Variants in TDRP observed in about 807,000 individuals in gnomAD.
TDRP encodes testis development related protein.
TDRP carries 12 observed loss-of-function variants against 10.5 expected under a neutral mutation model. The observed-to-expected ratio is 1.15, with a 90% CI of 0.73 to 1.86. The LOEUF (loss-of-function observed/expected upper bound fraction) is 1.86. TDRP is among the 40% of genes most tolerant of loss of function. The pLI is 0.00. For synonymous variants in TDRP, 139 were observed against 95.4 expected (o/e 1.46, Z -2.67); for missense variants, 353 against 229.2 (o/e 1.54, Z -3.49).
At chr8:499,104 A>T (rs1046637918) in intron 1 of TDRP, among the ~76,000 whole-genome samples, 11 of 152,352 alleles carry the variant, frequency 7.2e-5, no homozygotes, top group African/African-American at 2.6e-4. Context: ...CTGGTATCAT[A>T]AGGAAAATCA....
At position 544,640 on chromosome 8, in the gene TDRP, A is replaced by G; in HGVS notation, c.108+10T>C. On this transcript the variant is annotated intron_variant, in intron 1 of 2. Coordinates refer to ENST00000324079, the MANE Select transcript of TDRP (RefSeq NM_001384899.1). ...GCCTACTAGCACTCCCCACCTGCGC[A>G]CCCCCTCACCTGCGCCTGGGCGGCG... is the stretch of plus-strand genomic sequence containing the variant. 4 of 1,229,624 alleles carry G rather than the reference A, an allele frequency of 3.3e-6. No individual in the cohort carries two copies. Among genetic ancestry groups the G allele is most frequent in the Non-Finnish European group, 4.1e-6 (4 of 986,586 alleles). 76.2% of individuals were successfully genotyped at this position (1,229,624 alleles called of 1,614,324 possible).
At chr8:498,510 T>A (rs1801196143) in intron 1 of TDRP, among the ~76,000 whole-genome samples, 2 of 152,238 alleles carry the variant, frequency 1.3e-5, no homozygotes, top group South Asian at 4.1e-4. Flanking sequence ...AACTTGTTTT[T>A]GATTTTACAG....
At chr8:515,233 T>C (rs1328498278) in intron 1 of TDRP, among the ~76,000 whole-genome samples, 1 of 152,196 alleles carries the variant, frequency 6.6e-6, no homozygotes, top group South Asian at 2.1e-4. Context: ...TTTTCTGCTC[T>C]ATCTTTTCTA....
At position 508,840 on chromosome 8, in the gene TDRP, C is replaced by A. The variant is rs914804398; in HGVS notation, c.109-14243G>T. Reference sequence around the variant, plus strand: ...AAGTCTAATCTGAGACAAGGCAAGTCCCTTTTGCCTATAAGCCTGTAAAAT... The same window carrying A: ...AAGTCTAATCTGAGACAAGGCAAGTACCTTTTGCCTATAAGCCTGTAAAAT... On this transcript the variant is annotated intron_variant, in intron 1 of 2. Transcript: ENST00000324079. 3.3e-5 allele frequency among the ~76,000 whole-genome samples: 5 copies of A among 152,304 alleles called. No individual in the cohort carries two copies. In the East Asian group the frequency reaches 9.6e-4, roughly 29 times the overall value.
At chr8:540,965 A>C (rs1802475548) in intron 1 of TDRP, among the ~76,000 whole-genome samples, 1 of 152,224 alleles carries the variant, frequency 6.6e-6, no homozygotes. Context: ...AGGGTAGGAC[A>C]AAAGACCAAG....
intron 1 of TDRP, among the ~76,000 whole-genome samples, chr8:501,672 A>G (rs981398060): frequency 3.3e-5 from 5 of 152,182 alleles, no homozygotes; most frequent in African/African-American, 1.2e-4. Flanking sequence ...TTTTAAAGGT[A>G]TTTAAAGTCA....
intron 1 of TDRP, among the ~76,000 whole-genome samples, chr8:523,268 T>A (rs1563127522): frequency 6.6e-6 from 1 of 152,220 alleles, no homozygotes; most frequent in Non-Finnish European, 1.5e-5. Flanking sequence ...ACCCCGCATA[T>A]AAATGTATTA....
intron 1 of TDRP, among the ~76,000 whole-genome samples, chr8:544,276 CCACGACGCCCGCGCCGCGGGGTGCGCG>C (rs970312047): frequency 6.6e-6 from 1 of 152,000 alleles, no homozygotes; most frequent in African/African-American, 2.4e-5. Context: ...CGTCCCGGGC[CCACGACGCCCGCGCCGCGGGGTGCGCG>C]CACTGCGTCC....
chr8:517,204 C>G (rs570640857), intron 1 of TDRP, among the ~76,000 whole-genome samples: 20 of 152,160 alleles, frequency 1.3e-4, no homozygotes, highest in Admixed American at 2.0e-4. Context: ...AAATTCCAAC[C>G]TAACTCTGGT....
intron 1 of TDRP, among the ~76,000 whole-genome samples, chr8:540,527 C>G (rs1703955): frequency 5.9e-5 from 9 of 152,130 alleles, no homozygotes; most frequent in African/African-American, 2.2e-4. Context: ...AGCAGTTTTT[C>G]TTCAAGTAAC....
chr8:519,030 G>A (rs1416966278), intron 1 of TDRP, among the ~76,000 whole-genome samples: 5 of 151,394 alleles, frequency 3.3e-5, no homozygotes, highest in African/African-American at 1.2e-4. Context: ...TTCAGGACTA[G>A]AACTTTCAGC....
chr8:506,299 C>G (rs552220588), intron 1 of TDRP, among the ~76,000 whole-genome samples: 3 of 152,292 alleles, frequency 2.0e-5, no homozygotes, highest in African/African-American at 7.2e-5. Context: ...AGACCATTTA[C>G]CCTCCCAGCT....
At chr8:523,207 T>A (rs1051223123) in intron 1 of TDRP, among the ~76,000 whole-genome samples, 54 of 152,346 alleles carry the variant, frequency 3.5e-4, no homozygotes, top group African/African-American at 1.2e-3. Flanking sequence ...AGGGATTACA[T>A]AAAACATCTT....
Position 504,427 on chromosome 8 carries a change from G to C in TDRP, c.109-9830C>G, listed in dbSNP as rs555749576. Among the ~76,000 whole-genome samples the C allele has an allele frequency of 2.6e-5, 4 of 152,286 alleles. No homozygotes were observed. In the East Asian group the frequency reaches 5.8e-4, roughly 22 times the overall value. On this transcript the variant is annotated intron_variant, in intron 1 of 2. Transcript: ENST00000324079. Reference sequence around the variant, plus strand: ...GTCCTGAAGTCAGTGGGGGGAGGCAGGGGAAGGGCCTAGAGCAGTCCAGGA... The same window carrying C: ...GTCCTGAAGTCAGTGGGGGGAGGCACGGGAAGGGCCTAGAGCAGTCCAGGA...
chr8:501,233 G>C (rs748056260), intron 1 of TDRP, among the ~76,000 whole-genome samples: 12 of 151,972 alleles, frequency 7.9e-5, no homozygotes, highest in Non-Finnish European at 1.3e-4. Context: ...AAAAAAACAT[G>C]AGCGTAATGC....
intron 1 of TDRP, among the ~76,000 whole-genome samples, chr8:525,666 C>T (rs966590895): frequency 9.2e-5 from 14 of 151,696 alleles, no homozygotes; most frequent in African/African-American, 3.4e-4. Flanking sequence ...CTCATGGTAA[C>T]CTCAAATCAA....
Position 492,101 on chromosome 8 carries a change from A to G in TDRP, c.*298T>C. On this transcript the variant is annotated 3_prime_UTR_variant, in exon 3 of 3. Coordinates refer to ENST00000324079, the MANE Select transcript of TDRP (RefSeq NM_001384899.1). ...AAAATCATTTTGTGAGAAACTGCAA[A>G]TCATTACTGCTGTATTATGGGAGAG... The G allele has an allele frequency of 8.4e-7, 1 of 1,197,256 alleles. No homozygotes were observed. The highest frequency in any genetic ancestry group is 4.2e-5 in the Admixed American group (1 of 23,990). 74.2% of individuals were successfully genotyped at this position (1,197,256 alleles called of 1,614,324 possible). A position where few individuals can be genotyped will look rare whatever the true frequency, so the allele number is the denominator to read the frequency against.
intron 1 of TDRP, among the ~76,000 whole-genome samples, chr8:541,560 T>G (rs1367777965): frequency 1.3e-5 from 2 of 152,120 alleles, no homozygotes; most frequent in African/African-American, 4.8e-5. Context: ...AACTCAACAA[T>G]GAGAAATCAA....
At chr8:509,936 G>C (rs777023497) in intron 1 of TDRP, among the ~76,000 whole-genome samples, 1 of 152,168 alleles carries the variant, frequency 6.6e-6, no homozygotes, top group Non-Finnish European at 1.5e-5. Flanking sequence ...AACTGCTTGG[G>C]GCAAACCTGA....
Sources: gnomAD v4.1 joint callset for allele counts (sites outside exome capture counted in the v4.1 genomes callset) on GRCh38, gnomAD v4.1.1 for gene constraint, MANE v1.5 for transcripts, NCBI Gene and HGNC (gene_info 2026-07-23, HGNC 2026-07-21) for gene names.